GNG4: variants seen among roughly 807,000 people sequenced by gnomAD.
The protein encoded by GNG4 is G protein subunit gamma 4, also known as guanine nucleotide-binding protein G(I)/G(S)/G(O) subunit gamma-4.
A neutral mutation model predicts 5.8 loss-of-function variants in GNG4; 4 were observed. That is an observed-to-expected ratio of 0.69 (90% CI 0.34 to 1.57). The LOEUF (loss-of-function observed/expected upper bound fraction) is 1.57, where lower values mean the gene tolerates loss of function less well. Ranked by LOEUF, GNG4 falls within the 40% of genes most tolerant of loss-of-function variation. The probability of loss-of-function intolerance (pLI) is 0.06; values close to 1 mark genes in which losing one functional copy is unlikely to be tolerated. For synonymous variants in GNG4, 29 were observed against 32.9 expected, an observed-to-expected ratio of 0.88 and a Z score of 0.41; for missense variants, 96 against 95.1, an observed-to-expected ratio of 1.01 and a Z score of -0.04.
At chr1:235,570,265 C>G (rs1446981003) in intron 3 of GNG4, among the ~76,000 whole-genome samples, 3 of 152,094 alleles carry the variant, frequency 2.0e-5, no homozygotes, top group Non-Finnish European at 4.4e-5. Flanking sequence ...AGGCCTGTCT[C>G]CAGGTCATCA....
At chr1:235,588,475 T>C (rs77240035) in intron 2 of GNG4, among the ~76,000 whole-genome samples, 29,861 of 151,992 alleles carry the variant, frequency 0.2, 3,219 homozygotes, top group Middle Eastern at 0.29. Flanking sequence ...CTACCACCAC[T>C]GTCTCCCAAG....
intron 3 of GNG4, among the ~76,000 whole-genome samples, chr1:235,569,725 G>C (rs1339649505): frequency 6.6e-6 from 1 of 151,636 alleles, no homozygotes; most frequent in Non-Finnish European, 1.5e-5. Context: ...CCACCACTAC[G>C]CCCAGCTCAT....
upstream of GNG4, chr1:235,650,112 C>G (rs1412756577): frequency 6.6e-6 from 1 of 150,428 alleles, no homozygotes; most frequent in Non-Finnish European, 1.5e-5. Context: ...CGCCCCCGCC[C>G]CAGCCCGGGC....
intron 1 of GNG4, among the ~76,000 whole-genome samples, chr1:235,618,735 A>G (rs1688649244): frequency 6.6e-6 from 1 of 150,638 alleles, no homozygotes. Context: ...GGCTCACTGC[A>G]ACCTCTGTCT....
At chr1:235,605,101 C>G (rs1199440155) in intron 1 of GNG4, among the ~76,000 whole-genome samples, 1 of 152,016 alleles carries the variant, frequency 6.6e-6, no homozygotes, top group Non-Finnish European at 1.5e-5. Flanking sequence ...AAGGTGAGAA[C>G]CCCATATCAT....
At position 235,624,047 on chromosome 1, in the gene GNG4, G is replaced by A. The variant is rs147117561; in HGVS notation, c.-123+25615C>T. 3.7e-3 allele frequency among the ~76,000 whole-genome samples: 570 copies of A among 152,218 alleles called. 4 individuals are homozygous for A. The highest frequency in any genetic ancestry group is 0.013 in the African/African-American group (537 of 41,536). On this transcript the variant is annotated intron_variant, in intron 1 of 3. Coordinates refer to ENST00000391854, the MANE Select transcript of GNG4 (RefSeq NM_001098722.2). ...GGTGAAAAGCACATGCCTGAAGAGC[G>A]TGGCTCTAGCAGTCCCTTCAAAGAT...
At chr1:235,623,341 C>T (rs902467060) in intron 1 of GNG4, among the ~76,000 whole-genome samples, 6 of 152,162 alleles carry the variant, frequency 3.9e-5, no homozygotes, top group Non-Finnish European at 5.9e-5. Flanking sequence ...GCTACCTGCA[C>T]GGCCACCGCT....
chr1:235,561,220 A>G (rs1043520925), intron 3 of GNG4, among the ~76,000 whole-genome samples: 9 of 152,104 alleles, frequency 5.9e-5, no homozygotes, highest in Non-Finnish European at 8.8e-5. Flanking sequence ...CGTGTTAGCC[A>G]GCATGGTCTC....
At chr1:235,629,703 T>C (rs2102982067) in intron 1 of GNG4, among the ~76,000 whole-genome samples, 1 of 152,188 alleles carries the variant, frequency 6.6e-6, no homozygotes. Context: ...TTCAAGCTAT[T>C]CTTCTGCTTC....
At chr1:235,633,150 T>C (rs1303467673) in intron 1 of GNG4, among the ~76,000 whole-genome samples, 2 of 152,118 alleles carry the variant, frequency 1.3e-5, no homozygotes, top group Non-Finnish European at 2.9e-5. Flanking sequence ...GGAAAAACGA[T>C]GTAGAGTCTG....
intron 1 of GNG4, among the ~76,000 whole-genome samples, chr1:235,616,615 C>T (rs1398218145): frequency 1.3e-5 from 2 of 152,212 alleles, no homozygotes; most frequent in Non-Finnish European, 2.9e-5. Flanking sequence ...ACCTCTCACC[C>T]TCTCCTCACC....
At chr1:235,564,629 C>A (rs558285097) in intron 3 of GNG4, among the ~76,000 whole-genome samples, 1 of 152,282 alleles carries the variant, frequency 6.6e-6, no homozygotes, top group Non-Finnish European at 1.5e-5. Flanking sequence ...ATTTTTACAT[C>A]ATATAGATTT....
intron 3 of GNG4, among the ~76,000 whole-genome samples, chr1:235,571,868 C>CA: frequency 6.6e-6 from 1 of 152,272 alleles, no homozygotes; most frequent in East Asian, 1.9e-4. Context: ...GACAGGGTCT[C>CA]ACTCTCTCAT....
In GNG4 at chr1:235,582,731, T is replaced by C. The variant is rs959932617; in HGVS notation, c.99+1009A>G. Among the ~76,000 whole-genome samples, 5 of 152,346 alleles carry C rather than the reference T, an allele frequency of 3.3e-5. No individual in the cohort carries two copies. The East Asian group carries it at 9.6e-4, about 29-fold the overall frequency. On this transcript the variant is annotated intron_variant, in intron 3 of 3. Coordinates refer to ENST00000391854, the MANE Select transcript of GNG4 (RefSeq NM_001098722.2). ...AGTTGGTATCGGTATGTATGAGATG[T>C]AGATGCTCTAGTAACATGGGTCCGG... is the stretch of plus-strand genomic sequence containing the variant.
chr1:235,555,473 T>C (rs909004795), intron 3 of GNG4, among the ~76,000 whole-genome samples: 2 of 152,120 alleles, frequency 1.3e-5, no homozygotes, highest in Non-Finnish European at 2.9e-5. Flanking sequence ...TAATTCTTCT[T>C]ATACGTACGA....
intron 3 of GNG4, among the ~76,000 whole-genome samples, chr1:235,558,675 G>A (rs187948040): frequency 2.0e-5 from 3 of 152,292 alleles, no homozygotes; most frequent in Non-Finnish European, 2.9e-5. Flanking sequence ...GGAACATAAA[G>A]TAGACAATTT....
intron 1 of GNG4, among the ~76,000 whole-genome samples, chr1:235,643,420 A>G (rs1025903183): frequency 6.6e-6 from 1 of 152,198 alleles, no homozygotes; most frequent in African/African-American, 2.4e-5. Context: ...CTGTCTGTGC[A>G]CTAATCCAGG....
At chr1:235,621,959 G>A (rs1688721219) in intron 1 of GNG4, among the ~76,000 whole-genome samples, 2 of 152,270 alleles carry the variant, frequency 1.3e-5, no homozygotes, top group South Asian at 2.1e-4. Context: ...TTACAGGCAT[G>A]AGCCACCGCA....
chr1:235,573,779 A>G (rs557165997), intron 3 of GNG4, among the ~76,000 whole-genome samples: 1 of 152,180 alleles, frequency 6.6e-6, no homozygotes, highest in Non-Finnish European at 1.5e-5. Context: ...TCCATCTCAA[A>G]AAAAAGGAAA....
Sources: allele counts gnomAD v4.1 joint callset (sites outside exome capture counted in the v4.1 genomes callset), GRCh38; gene constraint gnomAD v4.1.1; transcripts MANE v1.5; gene names NCBI Gene and HGNC (gene_info 2026-07-23, HGNC 2026-07-21).